Variants in UBAP2L observed in about 807,000 individuals in gnomAD.
UBAP2L encodes the protein ubiquitin associated protein 2 like.
UBAP2L carries 12 observed loss-of-function variants against 130.6 expected under a neutral mutation model. That is an observed-to-expected ratio of 0.09 (90% CI 0.06 to 0.15). UBAP2L has a LOEUF of 0.15. UBAP2L is among the 10% of genes least tolerant of loss of function. The probability of loss-of-function intolerance (pLI) is 1.00; values close to 1 mark genes in which losing one functional copy is unlikely to be tolerated. For missense variants in UBAP2L, 965 were observed against 1,332.5 expected (o/e 0.72, Z 4.29); for synonymous variants, 503 against 524.7 (o/e 0.96, Z 0.57).
At chr1:154,227,188 G>T (rs1413074408) in intron 2 of UBAP2L, 94 bp from the exon 3 acceptor site, 5 of 1,055,792 alleles carry the variant, frequency 4.7e-6, no homozygotes, top group Non-Finnish European at 7.3e-6. Flanking sequence ...ACAAGGAAAA[G>T]AAAATTGGGG....
intron 10 of UBAP2L, among the ~76,000 whole-genome samples, chr1:154,244,874 G>A (rs575951374): frequency 5.4e-4 from 56 of 102,830 alleles, no homozygotes; most frequent in African/African-American, 2.0e-3. Flanking sequence ...TAGCCACCTC[G>A]CCTACACCCC....
At chr1:154,266,023 C>CCT (rs1026014287) in intron 24 of UBAP2L, among the ~76,000 whole-genome samples, 1 of 152,078 alleles carries the variant, frequency 6.6e-6, no homozygotes, top group African/African-American at 2.4e-5. Context: ...GTGGACTGCT[C>CCT]CTCTAGTACT....
chr1:154,233,347 C>T (rs9943097), intron 4 of UBAP2L, among the ~76,000 whole-genome samples: 98,323 of 150,274 alleles, frequency 0.65, 33,095 homozygotes, highest in East Asian at 0.96. Context: ...TGAGATGGAA[C>T]CTTGCTCTGT....
chr1:154,234,016 G>A (rs140192787), intron 4 of UBAP2L, among the ~76,000 whole-genome samples: 1 of 151,774 alleles, frequency 6.6e-6, no homozygotes, highest in African/African-American at 2.4e-5. Context: ...TTTCCTATAA[G>A]TACCTTCCCT....
chr1:154,220,988 G>T lies in UBAP2L; in HGVS notation c.-41+13G>T, dbSNP rs1010516994. 85 of 188,130 alleles carry T rather than the reference G, an allele frequency of 4.5e-4. No homozygotes were observed. The highest frequency in any genetic ancestry group is 1.7e-3 in the African/African-American group (73 of 41,810). 11.7% of individuals were successfully genotyped at this position (188,130 alleles called of 1,614,324 possible). On this transcript the variant is annotated intron_variant, in intron 1 of 26. Transcript: ENST00000428931. ...GGAGGAGACTGAGGTAAAGTTGGGA[G>T]CGCAGCGGCGTTGGCGGCGGCGGCG...
intron 25 of UBAP2L, among the ~76,000 whole-genome samples, chr1:154,268,371 A>G (rs1040345074): frequency 6.6e-6 from 1 of 151,994 alleles, no homozygotes; most frequent in East Asian, 1.9e-4. Flanking sequence ...TTGTATTTTT[A>G]GTAGAGACGG....
chr1:154,254,640 A>C (rs1678999064), intron 15 of UBAP2L, 196 bp from the exon 16 acceptor site: 1 of 577,998 alleles, frequency 1.7e-6, no homozygotes, highest in East Asian at 3.0e-5. Flanking sequence ...GGTATATCTC[A>C]GTTTTGTTGT....
At chr1:154,221,120 C>T (rs976699295) in intron 1 of UBAP2L, 145 bp downstream of exon 1, 4 of 156,092 alleles carry the variant, frequency 2.6e-5, no homozygotes, top group Admixed American at 6.5e-5. Context: ...CGTATCCCCT[C>T]CCTCGGTAGG....
At chr1:154,235,468 T>G (rs1293316703) in intron 6 of UBAP2L, among the ~76,000 whole-genome samples, 177 bp downstream of exon 6, 1 of 152,138 alleles carries the variant, frequency 6.6e-6, no homozygotes, top group Non-Finnish European at 1.5e-5. Flanking sequence ...TCCTCCTGCC[T>G]CAGCCTCCCT....
intron 24 of UBAP2L, among the ~76,000 whole-genome samples, chr1:154,265,765 G>A (rs986184736): frequency 7.0e-6 from 1 of 143,400 alleles, no homozygotes; most frequent in Admixed American, 6.8e-5. Context: ...TTACGGAGAA[G>A]CTGAAGTTGT....
rs574727776 is a variant in UBAP2L at position 154,240,945 on chromosome 1, C to G, written c.704-568C>G. 1.5e-4 allele frequency among the ~76,000 whole-genome samples: 18 copies of G among 118,422 alleles called. No individual in the cohort carries two copies. The South Asian group carries it at 1.7e-3, about 11-fold the overall frequency. 77.7% of individuals were successfully genotyped at this position (118,422 alleles called of 152,430 possible). A position where few individuals can be genotyped will look rare whatever the true frequency, so the allele number is the denominator to read the frequency against. The stretch of plus-strand genomic sequence containing the variant: ...GTGGTTGTCTGTCTGTCCCCCCCCC[C>G]ACCCCCATTCCTGCTTTGTAACAAA... On this transcript the variant is annotated intron_variant, in intron 8 of 26. Coordinates refer to ENST00000428931, the MANE Select transcript of UBAP2L (RefSeq NM_014847.4).
chr1:154,263,357 T>G, intron 24 of UBAP2L: 1 of 1,390,508 alleles, frequency 7.2e-7, no homozygotes, highest in Non-Finnish European at 9.3e-7. Context: ...TGACCCTGTC[T>G]TACCCATTTC....
chr1:154,255,048 A>C, intron 16 of UBAP2L, 104 bp from the exon 17 acceptor site: 1 of 1,439,414 alleles, frequency 6.9e-7, no homozygotes, highest in Non-Finnish European at 9.5e-7. Flanking sequence ...CCATTGTTAA[A>C]TAACTCATCC....
intron 26 of UBAP2L, chr1:154,269,218 A>C: frequency 1.1e-6 from 1 of 891,516 alleles, no homozygotes; most frequent in Non-Finnish European, 1.7e-6. Context: ...AGTTGTCCTC[A>C]TCCCATCAGA....
intron 5 of UBAP2L, 111 bp downstream of exon 5, chr1:154,234,870 C>G: frequency 1.4e-6 from 2 of 1,447,624 alleles, no homozygotes; most frequent in Non-Finnish European, 1.9e-6. Flanking sequence ...TATCCTTTTG[C>G]TTTTCTTGCC....
Position 154,261,706 on chromosome 1 carries a change from A to C in UBAP2L, c.2902+9A>C. The C allele has an allele frequency of 6.2e-7, 1 of 1,613,272 alleles. No individual in the cohort carries two copies. Among genetic ancestry groups the C allele is most frequent in the Non-Finnish European group, 8.5e-7 (1 of 1,179,462 alleles). ...TCATGGATACAACACTGGTAAGCTG[A>C]CCTTGTCTCTGGCTCGGTGTTATCT... On this transcript the variant is annotated intron_variant, in intron 24 of 26. Coordinates refer to ENST00000428931, the MANE Select transcript of UBAP2L (RefSeq NM_014847.4).
intron 19 of UBAP2L, 34 bp from the exon 20 acceptor site, chr1:154,257,312 G>A (rs1679983667): frequency 6.2e-7 from 1 of 1,614,164 alleles, no homozygotes; most frequent in Non-Finnish European, 8.5e-7. Flanking sequence ...GTAAGTAATT[G>A]TGTGATGGGA....
Position 154,270,289 on chromosome 1 carries a change from C to T in UBAP2L, c.3258C>T (p.Ala1086=). 1 of 1,613,962 alleles carries T rather than the reference C, an allele frequency of 6.2e-7. No homozygotes were observed. The highest frequency in any genetic ancestry group is 8.5e-7 in the Non-Finnish European group (1 of 1,179,954). Residue 1086 remains alanine, a synonymous_variant, in exon 27 of 27, where the codon GCC becomes GCT. Coordinates refer to ENST00000428931, the MANE Select transcript of UBAP2L (RefSeq NM_014847.4). ...KSAYNSYSWG[A]N ...CCTACAACAGCTACAGCTGGGGGGC[C>T]AACTGAGGCCCTGACCCTCTTCTCC...
At chr1:154,241,224 G>T (rs1673506254) in intron 8 of UBAP2L, among the ~76,000 whole-genome samples, 1 of 152,082 alleles carries the variant, frequency 6.6e-6, no homozygotes. Flanking sequence ...GCGTAGCTGG[G>T]ATTACAGGCA....
Sources: gnomAD v4.1 joint callset for allele counts (sites outside exome capture counted in the v4.1 genomes callset) on GRCh38, gnomAD v4.1.1 for gene constraint, MANE v1.5 for transcripts, NCBI Gene and HGNC (gene_info 2026-07-23, HGNC 2026-07-21) for gene names.